Variants in RBFOX1 observed in about 807,000 individuals in gnomAD.
The protein encoded by RBFOX1 is RNA binding fox-1 homolog 1.
In RBFOX1, 8 loss-of-function variants were observed where a neutral mutation model predicts 57.7. The ratio of observed to expected loss-of-function variants is 0.14; its 90% CI spans 0.08 to 0.25. The LOEUF (loss-of-function observed/expected upper bound fraction) is 0.25. Ranked by LOEUF, RBFOX1 falls within the 10% of genes least tolerant of loss-of-function variation. The pLI is 1.00. For missense variants in RBFOX1, 611 were observed against 548.5 expected, an observed-to-expected ratio of 1.11 and a Z score of -1.14; for synonymous variants, 326 against 222.4, an observed-to-expected ratio of 1.47 and a Z score of -4.15.
intron 1 of RBFOX1, among the ~76,000 whole-genome samples, chr16:5,427,853 C>G (rs1157963425): frequency 6.6e-6 from 1 of 152,170 alleles, no homozygotes; most frequent in African/African-American, 2.4e-5. Context: ...AAACTACCCT[C>G]CCAGAAACAT....
At chr16:7,088,334 G>A (rs1273704669) in intron 4 of RBFOX1, among the ~76,000 whole-genome samples, 2 of 152,086 alleles carry the variant, frequency 1.3e-5, no homozygotes, top group Non-Finnish European at 2.9e-5. Flanking sequence ...TTTTGTTTTT[G>A]TTTCTGTTTC....
chr16:5,650,402 C>G (rs752059646), intron 3 of RBFOX1, among the ~76,000 whole-genome samples: 2 of 152,134 alleles, frequency 1.3e-5, no homozygotes, highest in Non-Finnish European at 2.9e-5. Flanking sequence ...ATCCTGGCAT[C>G]CTGCAAGTGG....
chr16:5,733,135 TAGGC>T (rs1421744004), intron 3 of RBFOX1, among the ~76,000 whole-genome samples: 4 of 152,146 alleles, frequency 2.6e-5, no homozygotes, highest in Admixed American at 1.3e-4. Flanking sequence ...TGAAATGAAA[TAGGC>T]AGTCAGTCTG....
chr16:5,753,502 G>A (rs1241973141), intron 3 of RBFOX1, among the ~76,000 whole-genome samples: 4 of 152,172 alleles, frequency 2.6e-5, no homozygotes, highest in South Asian at 2.1e-4. Flanking sequence ...ATGCGGCAAC[G>A]GAGTTGCTTC....
At chr16:5,741,002 T>TA (rs1024384831) in intron 3 of RBFOX1, among the ~76,000 whole-genome samples, 31 of 152,024 alleles carry the variant, frequency 2.0e-4, no homozygotes, top group Admixed American at 1.9e-3. Flanking sequence ...AGGCAGGTGG[T>TA]AAAAAATTAA....
intron 3 of RBFOX1, among the ~76,000 whole-genome samples, chr16:5,796,715 G>C (rs1332937808): frequency 2.0e-5 from 3 of 152,188 alleles, no homozygotes; most frequent in Non-Finnish European, 4.4e-5. Flanking sequence ...GCACAGAGAG[G>C]ACAAGTAATT....
intron 3 of RBFOX1, among the ~76,000 whole-genome samples, chr16:6,827,338 A>G (rs199679148): frequency 7.2e-5 from 11 of 152,314 alleles, no homozygotes; most frequent in Middle Eastern, 6.8e-3. Flanking sequence ...AAGTAAATCC[A>G]TTAAAGAAGA....
intron 3 of RBFOX1, among the ~76,000 whole-genome samples, chr16:6,710,546 T>C (rs1264565321): frequency 6.6e-6 from 1 of 152,266 alleles, no homozygotes; most frequent in Non-Finnish European, 1.5e-5. Flanking sequence ...GGTTACTTTA[T>C]CTAAAGGTGC....
intron 3 of RBFOX1, among the ~76,000 whole-genome samples, chr16:5,755,701 C>T (rs1480537579): frequency 2.6e-5 from 4 of 152,308 alleles, no homozygotes; most frequent in East Asian, 3.9e-4. Flanking sequence ...CAGGTTCAAG[C>T]GATTCTCCTG....
At chr16:7,045,423 T>C (rs1057056028) in intron 3 of RBFOX1, among the ~76,000 whole-genome samples, 8 of 152,148 alleles carry the variant, frequency 5.3e-5, no homozygotes, top group African/African-American at 1.7e-4. Flanking sequence ...CAAATCTCAT[T>C]TTCCTTATTT....
At chr16:5,257,132 A>G (rs2062609446) in intron 1 of RBFOX1, among the ~76,000 whole-genome samples, 1 of 151,084 alleles carries the variant, frequency 6.6e-6, no homozygotes, top group South Asian at 2.1e-4. Context: ...TTTCCACAAG[A>G]TTGCTTTGTA....
intron 3 of RBFOX1, among the ~76,000 whole-genome samples, chr16:6,916,062 C>G (rs993202540): frequency 6.6e-6 from 1 of 152,082 alleles, no homozygotes; most frequent in Non-Finnish European, 1.5e-5. Context: ...CACTGCTACT[C>G]CCCAGACCCA....
intron 2 of RBFOX1, among the ~76,000 whole-genome samples, chr16:5,515,944 C>T (rs957548060): frequency 6.6e-5 from 10 of 152,148 alleles, no homozygotes; most frequent in Admixed American, 2.0e-4. Flanking sequence ...AATGAAGAAA[C>T]GGAGGCCCAG....
At chr16:6,296,659 A>G (rs2078151484) in intron 1 of RBFOX1, among the ~76,000 whole-genome samples, 1 of 152,134 alleles carries the variant, frequency 6.6e-6, no homozygotes, top group South Asian at 2.1e-4. Flanking sequence ...TGACCTTGTG[A>G]TCCACCTGCC....
chr16:7,687,623 C>G (rs932382107), intron 14 of RBFOX1, among the ~76,000 whole-genome samples: 4 of 151,798 alleles, frequency 2.6e-5, no homozygotes, highest in Non-Finnish European at 1.5e-5. Context: ...ATTTTAACAA[C>G]AAGAATAAAC....
At chr16:6,647,789 C>T (rs547925602) in intron 2 of RBFOX1, among the ~76,000 whole-genome samples, 6 of 152,180 alleles carry the variant, frequency 3.9e-5, no homozygotes, top group Admixed American at 6.5e-5. Flanking sequence ...GGTTGGAATG[C>T]AGTGGTACAA....
chr16:6,806,836 A>ATATATATATATATATATATTTTTT (rs754342591), intron 3 of RBFOX1, among the ~76,000 whole-genome samples: 1 of 91,902 alleles, frequency 1.1e-5, no homozygotes, highest in Admixed American at 1.5e-4. Flanking sequence ...ATATATATAT[A>ATATATATATATATATATATTTTTT]TTTTTTTTTT....
chr16:6,311,773 A>T (rs1599501917), intron 1 of RBFOX1, among the ~76,000 whole-genome samples: 1 of 152,080 alleles, frequency 6.6e-6, no homozygotes, highest in Non-Finnish European at 1.5e-5. Context: ...CTGGATTCCC[A>T]TGGGGAGGGC....
chr16:6,612,730 C>T lies in RBFOX1; in HGVS notation c.-63-41873C>T, dbSNP rs150144070. 3.5e-3 allele frequency among the ~76,000 whole-genome samples: 525 copies of T among 151,442 alleles called. 6 individuals are homozygous for T. The highest frequency in any genetic ancestry group is 0.012 in the African/African-American group (483 of 41,262). ...AGCCGGGTGTGGTGGTCGGTGTCTG[C>T]AATCCCAGCTACTCAGGAGGCTGAG... On this transcript the variant is annotated intron_variant, in intron 2 of 15. Coordinates refer to ENST00000550418, the MANE Select transcript of RBFOX1 (RefSeq NM_018723.4).
Sources: allele counts gnomAD v4.1 joint callset (sites outside exome capture counted in the v4.1 genomes callset), GRCh38; gene constraint gnomAD v4.1.1; transcripts MANE v1.5; gene names NCBI Gene and HGNC (gene_info 2026-07-23, HGNC 2026-07-21).